The following MECOM variants were observed in gnomAD, a reference collection of about 807,000 sequenced individuals.
The protein encoded by MECOM is histone-lysine N-methyltransferase MECOM.
A neutral mutation model predicts 116.3 loss-of-function variants in MECOM; 13 were observed. The observed-to-expected ratio is 0.11, with a 90% CI of 0.07 to 0.18. The LOEUF is 0.18. Among genes scored for constraint, MECOM ranks in the 10% least tolerant of loss-of-function variants. MECOM has a pLI of 1.00. For synonymous variants in MECOM, 528 were observed against 535.2 expected (o/e 0.99, Z 0.19); for missense variants, 1,299 against 1,509.0 (o/e 0.86, Z 2.31).
intron 2 of MECOM, among the ~76,000 whole-genome samples, chr3:169,191,741 AG>A (rs1284436647): frequency 0.027 from 166 of 6,082 alleles, 2 homozygotes; most frequent in African/African-American, 0.047. Context: ...AGAAAGAAAG[AG>A]AAAGAAAGAA....
At chr3:169,447,976 C>T (rs1744928087) in intron 1 of MECOM, 1 of 152,202 alleles carries the variant, frequency 6.6e-6, no homozygotes, top group African/African-American at 2.4e-5. Context: ...GTTTGTGGTG[C>T]TAAATGGCTG....
chr3:169,168,643 G>T (rs920387792), intron 2 of MECOM, among the ~76,000 whole-genome samples: 3 of 151,878 alleles, frequency 2.0e-5, no homozygotes, highest in Admixed American at 6.6e-5. Flanking sequence ...GTCTTGGAGA[G>T]ATCATTAGTT....
chr3:169,270,887 G>T (rs939820374), intron 2 of MECOM, among the ~76,000 whole-genome samples: 45 of 152,166 alleles, frequency 3.0e-4, no homozygotes, highest in African/African-American at 1.1e-3. Context: ...AAAGTGATTA[G>T]CAGAGCCAAA....
chr3:169,216,220 T>C (rs1751402893), intron 2 of MECOM, among the ~76,000 whole-genome samples: 1 of 152,226 alleles, frequency 6.6e-6, no homozygotes, highest in African/African-American at 2.4e-5. Flanking sequence ...TCTTTTCTGA[T>C]GGTATGATGG....
chr3:169,092,886 G>A, intron 14 of MECOM, 72 bp downstream of exon 14: 3 of 1,574,782 alleles, frequency 1.9e-6, no homozygotes, highest in Non-Finnish European at 2.6e-6. Flanking sequence ...ACAAAAGTGA[G>A]CATAGCAAGT....
At chr3:169,150,191 A>T (rs565921042) in intron 2 of MECOM, among the ~76,000 whole-genome samples, 57 of 152,326 alleles carry the variant, frequency 3.7e-4, no homozygotes, top group African/African-American at 1.4e-3. Flanking sequence ...TGCTATTTAA[A>T]TAAGAATTAT....
intron 16 of MECOM, chr3:169,086,489 G>T: frequency 1.5e-6 from 1 of 665,698 alleles, no homozygotes; most frequent in South Asian, 1.7e-5. Flanking sequence ...TTTTAATCCT[G>T]CCTTTAAACC....
At chr3:169,131,567 AAG>A (rs752917371) in intron 3 of MECOM, 36 bp from the exon 4 acceptor site, 1 of 1,523,264 alleles carries the variant, frequency 6.6e-7, no homozygotes, top group Middle Eastern at 2.0e-4. Context: ...GGAATCAGGA[AAG>A]AGAGAGATGT....
At chr3:169,620,229 A>G (rs1206907103) in intron 1 of MECOM, among the ~76,000 whole-genome samples, 1 of 152,164 alleles carries the variant, frequency 6.6e-6, no homozygotes, top group Non-Finnish European at 1.5e-5. Context: ...CAACAGGTTT[A>G]TTTCCATTGC....
intron 2 of MECOM, among the ~76,000 whole-genome samples, chr3:169,267,240 T>G (rs150319578): frequency 5.9e-5 from 9 of 152,352 alleles, no homozygotes; most frequent in African/African-American, 2.2e-4. Flanking sequence ...AGTCTTCAGA[T>G]TTCTTTTAAA....
intron 1 of MECOM, among the ~76,000 whole-genome samples, chr3:169,603,071 AC>A (rs1247783869): frequency 5.3e-5 from 8 of 152,350 alleles, no homozygotes; most frequent in African/African-American, 1.4e-4. Context: ...ATATTGAATA[AC>A]AAATTATATA....
intron 1 of MECOM, among the ~76,000 whole-genome samples, chr3:169,511,414 C>G (rs951211539): frequency 2.0e-5 from 3 of 152,176 alleles, no homozygotes; most frequent in Admixed American, 6.5e-5. Flanking sequence ...AACCAAAATT[C>G]TCTCCCCCTA....
At chr3:169,114,334 G>A (rs1328438081) in intron 8 of MECOM, among the ~76,000 whole-genome samples, 1 of 152,082 alleles carries the variant, frequency 6.6e-6, no homozygotes, top group Non-Finnish European at 1.5e-5. Context: ...ATATTCAAAC[G>A]AGGGTAGTCC....
intron 1 of MECOM, among the ~76,000 whole-genome samples, chr3:169,537,417 C>T (rs1759515807): frequency 6.6e-6 from 1 of 152,164 alleles, no homozygotes; most frequent in Non-Finnish European, 1.5e-5. Context: ...TTCCCTGAAC[C>T]TCAACGTACA....
chr3:169,186,343 G>GGGAAGGAAGGAAGGAAGGAA (rs1331901039), intron 2 of MECOM, among the ~76,000 whole-genome samples: 2 of 80,094 alleles, frequency 2.5e-5, no homozygotes, highest in Admixed American at 1.4e-4. Flanking sequence ...GAGGGAGGGA[G>GGGAAGGAAGGAAGGAAGGAA]GGAAGGAAGG....
intron 2 of MECOM, among the ~76,000 whole-genome samples, chr3:169,180,094 G>A (rs1051661007): frequency 6.6e-6 from 1 of 152,084 alleles, no homozygotes; most frequent in Non-Finnish European, 1.5e-5. Flanking sequence ...TTTTTCCGTT[G>A]TCTGGCATTT....
chr3:169,287,846 T>G (rs781062496), intron 2 of MECOM, among the ~76,000 whole-genome samples: 1 of 152,196 alleles, frequency 6.6e-6, no homozygotes, highest in African/African-American at 2.4e-5. Flanking sequence ...AAAATGTTAA[T>G]GGACATGCAT....
At chr3:169,380,258 CA>C (rs1171470783) in intron 2 of MECOM, among the ~76,000 whole-genome samples, 1 of 152,086 alleles carries the variant, frequency 6.6e-6, no homozygotes, top group African/African-American at 2.4e-5. Context: ...AACCAAAGGT[CA>C]ATCACATCTC....
At chr3:169,191,523 G>A (rs1747545354) in intron 2 of MECOM, among the ~76,000 whole-genome samples, 1 of 151,506 alleles carries the variant, frequency 6.6e-6, no homozygotes, top group African/African-American at 2.4e-5. Flanking sequence ...AGTGGATTTT[G>A]TTCTGTTGTT....
Sources: gnomAD v4.1 joint callset for allele counts (sites outside exome capture counted in the v4.1 genomes callset) on GRCh38, gnomAD v4.1.1 for gene constraint, MANE v1.5 for transcripts, NCBI Gene and HGNC (gene_info 2026-07-23, HGNC 2026-07-21) for gene names.